NCKAP5: variants seen among roughly 807,000 people sequenced by gnomAD.
NCKAP5 encodes the protein nck-associated protein 5.
NCKAP5 carries 92 observed loss-of-function variants against 167.0 expected under a neutral mutation model. That is an observed-to-expected ratio of 0.55 (90% CI 0.47 to 0.66). The LOEUF (loss-of-function observed/expected upper bound fraction) is 0.66, where lower values mean the gene tolerates loss of function less well. NCKAP5 is among the 30% of genes least tolerant of loss of function. The pLI, the probability that NCKAP5 is intolerant of heterozygous loss-of-function variation, is 0.00. For missense variants in NCKAP5, 2,378 were observed against 2,315.0 expected, an observed-to-expected ratio of 1.03 and a Z score of -0.56; for synonymous variants, 891 against 877.4, an observed-to-expected ratio of 1.02 and a Z score of -0.27.
intron 3 of NCKAP5, among the ~76,000 whole-genome samples, chr2:133,435,785 T>C (rs1235782359): frequency 6.6e-6 from 1 of 152,164 alleles, no homozygotes; most frequent in East Asian, 1.9e-4. Context: ...GTTCACTTGA[T>C]ATCTCTGTTC....
At chr2:133,506,310 T>C (rs1682998968) in intron 3 of NCKAP5, among the ~76,000 whole-genome samples, 2 of 152,228 alleles carry the variant, frequency 1.3e-5, no homozygotes, top group Admixed American at 6.5e-5. Flanking sequence ...AAAAATGGGC[T>C]AGTGTTTTCT....
At chr2:132,749,970 C>T (rs553738921) in intron 16 of NCKAP5, among the ~76,000 whole-genome samples, 4 of 151,718 alleles carry the variant, frequency 2.6e-5, no homozygotes, top group South Asian at 4.2e-4. Flanking sequence ...AATCATGCTC[C>T]GAGTAAGGGA....
intron 5 of NCKAP5, among the ~76,000 whole-genome samples, chr2:133,172,524 T>G (rs2084290297): frequency 6.6e-6 from 1 of 152,216 alleles, no homozygotes; most frequent in Non-Finnish European, 1.5e-5. Flanking sequence ...TAAGCTGGAG[T>G]GCAAAGGCAC....
intron 19 of NCKAP5, among the ~76,000 whole-genome samples, chr2:132,677,665 A>G (rs1367833285): frequency 6.6e-6 from 1 of 152,118 alleles, no homozygotes; most frequent in African/African-American, 2.4e-5. Flanking sequence ...CTTCAGGACC[A>G]TGAGTTGCCC....
chr2:132,784,241 A>G lies in NCKAP5; in HGVS notation c.2570T>C (p.Phe857Ser), dbSNP rs76161950. ...AATGTGTGGATCTGATCGTAATTCA[A>G]AGAGGGGCCCTGAGCTCTCAGTCTT... Reference protein sequence around the residue: ...FMKTESSGPLFELRSDPHIPK... With the variant: ...FMKTESSGPLSELRSDPHIPK... Residue 857 changes from phenylalanine (F) to serine (S), a missense_variant, in exon 14 of 20, where the codon TTT becomes TCT. This residue lies in a region of NCKAP5 where 1,049 missense variants were observed against 1,023.4 expected (regional missense o/e 1.02). Coordinates refer to ENST00000409261, the MANE Select transcript of NCKAP5 (RefSeq NM_207363.3). 716 of 1,603,166 alleles carry G rather than the reference A, an allele frequency of 4.5e-4. 3 individuals carry two copies. In the African/African-American group the frequency reaches 8.3e-3, roughly 19 times the overall value.
At chr2:133,352,366 A>G (rs1399186756) in intron 3 of NCKAP5, among the ~76,000 whole-genome samples, 1 of 152,246 alleles carries the variant, frequency 6.6e-6, no homozygotes, top group Non-Finnish European at 1.5e-5. Flanking sequence ...AAGTTGCTCA[A>G]TAAATACATC....
rs572909124 is a variant in NCKAP5 at position 133,016,278 on chromosome 2, A to G, written c.342-22039T>C. On this transcript the variant is annotated intron_variant, in intron 6 of 19. Coordinates refer to ENST00000409261, the MANE Select transcript of NCKAP5 (RefSeq NM_207363.3). ...AAAAGAGCTTGGTGTGTGAGAGCAC[A>G]TGAAGTCTGACGATTTATAACAGAT... 4.6e-5 allele frequency among the ~76,000 whole-genome samples: 7 copies of G among 152,346 alleles called. No homozygotes were observed. The South Asian group carries it at 8.3e-4, about 18-fold the overall frequency.
At chr2:133,619,213 A>T in the NCKAP5 span, among the ~76,000 whole-genome samples, 1 of 145,710 alleles carries the variant, frequency 6.9e-6, no homozygotes, top group South Asian at 2.3e-4. Context: ...CTAGATGACG[A>T]GTTAGTGGGT....
intron 5 of NCKAP5, among the ~76,000 whole-genome samples, chr2:133,201,738 T>C (rs897678778): frequency 6.6e-6 from 1 of 152,178 alleles, no homozygotes; most frequent in Non-Finnish European, 1.5e-5. Flanking sequence ...GAAAGTATCA[T>C]GCTTCATGGT....
At chr2:133,643,945 T>C in the NCKAP5 span, among the ~76,000 whole-genome samples, 2 of 152,192 alleles carry the variant, frequency 1.3e-5, no homozygotes, top group African/African-American at 4.8e-5. Flanking sequence ...AACTCCAACT[T>C]GTCTCTTAGG....
intron 3 of NCKAP5, among the ~76,000 whole-genome samples, chr2:133,338,453 G>T (rs1435558): frequency 3.1e-3 from 466 of 152,306 alleles, no homozygotes; most frequent in Admixed American, 8.4e-3. Context: ...ATCTTATAGT[G>T]CAGCTTTCAT....
rs529799854 is a variant in NCKAP5 at position 132,981,165 on chromosome 2, T to A, written c.429+12987A>T. On this transcript the variant is annotated intron_variant, in intron 7 of 19. Coordinates refer to ENST00000409261, the MANE Select transcript of NCKAP5 (RefSeq NM_207363.3). ...TTAGTGGGAACTTGAGAGCTGTTTG[T>A]TACAAAACAATGGAATCATCATGAA... is the stretch of plus-strand genomic sequence containing the variant. Among the ~76,000 whole-genome samples, 5 of 152,338 alleles carry A rather than the reference T, an allele frequency of 3.3e-5. No individual in the cohort carries two copies. The South Asian group carries it at 1.0e-3, about 32-fold the overall frequency.
At chr2:133,246,138 A>G (rs891052979) in intron 4 of NCKAP5, among the ~76,000 whole-genome samples, 2 of 152,084 alleles carry the variant, frequency 1.3e-5, no homozygotes, top group Admixed American at 1.3e-4. Flanking sequence ...GAATGATTCC[A>G]GGGAGGGAGG....
At chr2:132,886,664 A>G (rs950497431) in intron 8 of NCKAP5, among the ~76,000 whole-genome samples, 1 of 152,220 alleles carries the variant, frequency 6.6e-6, no homozygotes, top group East Asian at 1.9e-4. Context: ...ATGTCCTTCA[A>G]TTTGAATTCG....
At chr2:133,579,261 G>A in the NCKAP5 span, among the ~76,000 whole-genome samples, 1 of 152,198 alleles carries the variant, frequency 6.6e-6, no homozygotes, top group South Asian at 2.1e-4. Flanking sequence ...TTAAACTCTA[G>A]CAACTGTCTC....
chr2:132,903,472 A>G (rs1188634089), intron 8 of NCKAP5, among the ~76,000 whole-genome samples: 1 of 152,248 alleles, frequency 6.6e-6, no homozygotes, highest in African/African-American at 2.4e-5. Flanking sequence ...CGTGTCTGAT[A>G]GTCACTGAAA....
chr2:133,649,004 C>T, the NCKAP5 span, among the ~76,000 whole-genome samples: 1 of 151,540 alleles, frequency 6.6e-6, no homozygotes, highest in Non-Finnish European at 1.5e-5. Flanking sequence ...CTTAGATACA[C>T]TAAGAAAAAG....
intron 3 of NCKAP5, among the ~76,000 whole-genome samples, chr2:133,331,764 C>T (rs1682869393): frequency 6.6e-6 from 1 of 152,212 alleles, no homozygotes; most frequent in Non-Finnish European, 1.5e-5. Flanking sequence ...GAATGACTTC[C>T]AGTAACTACG....
intron 4 of NCKAP5, among the ~76,000 whole-genome samples, chr2:133,229,908 T>A (rs532847780): frequency 1.3e-4 from 20 of 152,218 alleles, no homozygotes; most frequent in South Asian, 2.1e-4. Context: ...TCCCAGCTCT[T>A]CCACGTACCA....
Sources: gnomAD v4.1 joint callset for allele counts (sites outside exome capture counted in the v4.1 genomes callset) on GRCh38, gnomAD v4.1.1 for gene constraint, gnomAD v4.1.1 regional missense constraint, MANE v1.5 for transcripts, NCBI Gene and HGNC (gene_info 2026-07-23, HGNC 2026-07-21) for gene names.